ASTN1: variants seen among roughly 807,000 people sequenced by gnomAD.
ASTN1 encodes the protein astrotactin 1, also known as astrotactin-1.
Under a neutral mutation model 140.7 loss-of-function variants are expected in ASTN1, and 41 were observed. The observed-to-expected ratio is 0.29, with a 90% CI of 0.23 to 0.38. ASTN1 has a LOEUF of 0.38. Among genes scored for constraint, ASTN1 ranks in the 10% least tolerant of loss-of-function variants. ASTN1 has a pLI of 1.00. For synonymous variants in ASTN1, 640 were observed against 652.2 expected (o/e 0.98, Z 0.29); for missense variants, 1,479 against 1,678.8 (o/e 0.88, Z 2.08).
At chr1:176,881,149 C>A (rs1042135786) in intron 20 of ASTN1, among the ~76,000 whole-genome samples, 1 of 152,238 alleles carries the variant, frequency 6.6e-6, no homozygotes, top group Non-Finnish European at 1.5e-5. Flanking sequence ...TGGCCTCCCA[C>A]ACGGCCCTCT....
chr1:176,902,828 G>A (rs1038454812), intron 16 of ASTN1, among the ~76,000 whole-genome samples: 3 of 152,136 alleles, frequency 2.0e-5, no homozygotes, highest in African/African-American at 4.8e-5. Flanking sequence ...ATTGCTCAGC[G>A]AGGCAGACAC....
chr1:176,882,818 T>A, intron 20 of ASTN1, 41 bp downstream of exon 20: 1 of 1,611,980 alleles, frequency 6.2e-7, no homozygotes, highest in Non-Finnish European at 8.5e-7. Context: ...GCCTTGGGAC[T>A]GTCAGGGTAA....
intron 1 of ASTN1, among the ~76,000 whole-genome samples, chr1:177,127,819 T>C (rs762243500): frequency 2.6e-4 from 40 of 152,322 alleles, no homozygotes; most frequent in Middle Eastern, 6.8e-3. Flanking sequence ...ATTTAAACAG[T>C]TTGTCAGGTC....
intron 1 of ASTN1, among the ~76,000 whole-genome samples, chr1:177,124,471 G>T (rs56358553): frequency 0.015 from 2,259 of 152,258 alleles, 37 homozygotes; most frequent in South Asian, 0.055. Flanking sequence ...CTATATGAGA[G>T]ATTTAGTAAG....
At position 177,164,667 on chromosome 1, in the gene ASTN1, C is replaced by G. The variant is rs761710104; in HGVS notation, c.10G>C (p.Ala4Pro). Residue 4 changes from alanine to proline, a missense_variant, in exon 1 of 23, where the codon GCC becomes CCC. Physicochemically the swap from Ala to Pro is conservative, Grantham distance 27. Transcript: ENST00000361833. MAL[A>P]GLCALLACCW... Reference sequence around the variant, plus strand: ...CAGGCGAGCAGGGCGCAGAGCCCGGCTAAAGCCATCTTGAGCCCCGGCCGC... The same window carrying G: ...CAGGCGAGCAGGGCGCAGAGCCCGGGTAAAGCCATCTTGAGCCCCGGCCGC... The G allele has an allele frequency of 1.1e-5, 17 of 1,576,036 alleles. No individual in the cohort carries two copies. The highest frequency in any genetic ancestry group is 1.5e-5 in the Non-Finnish European group (17 of 1,161,770).
intron 16 of ASTN1, among the ~76,000 whole-genome samples, chr1:176,922,107 A>G (rs537939128): frequency 1.3e-5 from 2 of 152,332 alleles, no homozygotes; most frequent in African/African-American, 2.4e-5. Flanking sequence ...CCCGGAGAAT[A>G]TAAAAGTGTT....
In ASTN1 at chr1:177,143,935, T is replaced by G. The variant is rs1206918191; in HGVS notation, c.283+20459A>C. 2.6e-5 allele frequency among the ~76,000 whole-genome samples: 4 copies of G among 152,318 alleles called. No individual in the cohort carries two copies. The East Asian group carries it at 7.7e-4, about 29-fold the overall frequency. On this transcript the variant is annotated intron_variant, in intron 1 of 22. Transcript: ENST00000361833. The stretch of plus-strand genomic sequence containing the variant: ...AGGTGGGAATTATTTGCATTATTTA[T>G]GCAACTTTTACATAAGCCTAATATT...
chr1:177,121,784 G>A (rs937355157), intron 1 of ASTN1, among the ~76,000 whole-genome samples: 1 of 152,046 alleles, frequency 6.6e-6, no homozygotes, highest in African/African-American at 2.4e-5. Flanking sequence ...CCAGGTCCCT[G>A]CCAAGAGTCT....
At chr1:176,998,676 C>G (rs957402680) in intron 8 of ASTN1, among the ~76,000 whole-genome samples, 2 of 152,210 alleles carry the variant, frequency 1.3e-5, no homozygotes, top group Non-Finnish European at 2.9e-5. Flanking sequence ...GCTGTGCACA[C>G]AGTGAGCTCA....
chr1:176,895,131 C>A (rs1486179766), intron 16 of ASTN1, among the ~76,000 whole-genome samples: 2 of 152,112 alleles, frequency 1.3e-5, no homozygotes, highest in Non-Finnish European at 2.9e-5. Flanking sequence ...GAATACAAAC[C>A]ATAACAGTGA....
chr1:176,950,724 C>T (rs1399602391), intron 11 of ASTN1, among the ~76,000 whole-genome samples: 2 of 151,984 alleles, frequency 1.3e-5, no homozygotes, highest in Admixed American at 6.6e-5. Context: ...CAGCAGGAGT[C>T]GGGCAGAACT....
chr1:176,904,721 G>A (rs1669913274), intron 16 of ASTN1, among the ~76,000 whole-genome samples: 1 of 152,126 alleles, frequency 6.6e-6, no homozygotes, highest in African/African-American at 2.4e-5. Context: ...AGGAGCAAAT[G>A]CTTCCCATCT....
At chr1:177,128,585 G>C (rs1681788306) in intron 1 of ASTN1, among the ~76,000 whole-genome samples, 1 of 152,134 alleles carries the variant, frequency 6.6e-6, no homozygotes, top group African/African-American at 2.4e-5. Context: ...CCAAATATGA[G>C]ATCTCTAAGT....
intron 17 of ASTN1, among the ~76,000 whole-genome samples, chr1:176,892,468 C>CT (rs1669307951): frequency 6.6e-6 from 1 of 152,108 alleles, no homozygotes; most frequent in Non-Finnish European, 1.5e-5. Flanking sequence ...GCCCTAGTCT[C>CT]CAGTTCAGGC....
intron 16 of ASTN1, among the ~76,000 whole-genome samples, chr1:176,925,556 T>A (rs1354232634): frequency 6.6e-6 from 1 of 152,154 alleles, no homozygotes; most frequent in Non-Finnish European, 1.5e-5. Flanking sequence ...TCATTATGGA[T>A]CATGGCCAAA....
chr1:176,876,606 G>C lies in ASTN1; in HGVS notation c.3394C>G (p.Arg1132Gly). The C allele has an allele frequency of 6.2e-7, 1 of 1,614,122 alleles. No individual in the cohort carries two copies. Among genetic ancestry groups the C allele is most frequent in the East Asian group, 2.2e-5 (1 of 44,868 alleles). ...FTLWGVDNTG[R>G]RSRPSDVIVK... ...ATCACGTCGCTTGGCCTGGAGCGCC[G>C]TCCTGTGTTGTCCACTCCCCACAGC... The change falls in exon 21 of 23, where the codon CGG becomes GGG. Residue 1132 changes from arginine (R) to glycine (G), a missense_variant. Physicochemically the swap from Arg to Gly is moderately radical, Grantham distance 125. Coordinates refer to ENST00000361833, the MANE Select transcript of ASTN1 (RefSeq NM_004319.3).
intron 16 of ASTN1, 150 bp downstream of exon 16, chr1:176,934,002 C>A: frequency 1.2e-6 from 1 of 852,884 alleles, no homozygotes; most frequent in Non-Finnish European, 1.6e-6. Flanking sequence ...TGCAACCAAA[C>A]CTTGGAAATG....
At chr1:176,937,229 C>A (rs1280980776) in intron 14 of ASTN1, among the ~76,000 whole-genome samples, 1 of 152,128 alleles carries the variant, frequency 6.6e-6, no homozygotes, top group Non-Finnish European at 1.5e-5. Context: ...GATTTGTGTT[C>A]AGTATTTAAG....
chr1:177,085,129 T>C (rs1157222361), intron 1 of ASTN1, among the ~76,000 whole-genome samples: 1 of 152,190 alleles, frequency 6.6e-6, no homozygotes, highest in Non-Finnish European at 1.5e-5. Flanking sequence ...CCAGACACTA[T>C]GTTAGGTGTT....
Sources: gnomAD v4.1 joint callset for allele counts (sites outside exome capture counted in the v4.1 genomes callset) on GRCh38, gnomAD v4.1.1 for gene constraint, MANE v1.5 for transcripts, NCBI Gene and HGNC (gene_info 2026-07-23, HGNC 2026-07-21) for gene names.